The following IGFN1 variants were observed in gnomAD, a reference collection of about 807,000 sequenced individuals.
The protein encoded by IGFN1 is immunoglobulin like and fibronectin type III domain containing 1.
IGFN1 carries 253 observed loss-of-function variants against 289.5 expected under a neutral mutation model. The observed-to-expected ratio is 0.87, with a 90% CI of 0.79 to 0.97. The LOEUF is 0.97. IGFN1 is among the 50% of genes least tolerant of loss of function. The probability of loss-of-function intolerance (pLI) is 0.00; values close to 1 mark genes in which losing one functional copy is unlikely to be tolerated. For missense variants in IGFN1, 4,470 were observed against 4,686.1 expected (o/e 0.95, Z 1.35); for synonymous variants, 1,706 against 1,788.5 (o/e 0.95, Z 1.16).
rs191680057 is a variant in IGFN1, at chr1:201,213,327, C to T, written c.8434C>T (p.Pro2812Ser). Reference protein sequence around the residue: ...VEEAGRSGRRPGSLRSRSQAQ... With the variant: ...VEEAGRSGRRSGSLRSRSQAQ... ...AGAGGCTGGGAGGTCAGGCAGGAGGCCTGGCTCACTCAGGAGCAGGTCTCA... is the reference window on the plus strand; with the variant it reads ...AGAGGCTGGGAGGTCAGGCAGGAGGTCTGGCTCACTCAGGAGCAGGTCTCA... Residue 2812 changes from proline (P) to serine (S), a missense_variant, in exon 12 of 24, where the codon CCT (proline) becomes TCT (serine). Pro to Ser is a moderately conservative substitution (Grantham distance 74). Around this residue, in one of 8 missense-constraint regions of IGFN1, gnomAD observed 2,218 missense variants for 2,114.1 expected, o/e 1.05. Coordinates refer to ENST00000335211, the MANE Select transcript of IGFN1 (RefSeq NM_001164586.2). 2 of 1,591,350 alleles carry T rather than the reference C, an allele frequency of 1.3e-6. No homozygotes were observed. Among genetic ancestry groups the T allele is most frequent in the Non-Finnish European group, 1.7e-6 (2 of 1,169,230 alleles).
At chr1:201,203,069 T>G (rs1380971074) in intron 9 of IGFN1, among the ~76,000 whole-genome samples, 1 of 152,156 alleles carries the variant, frequency 6.6e-6, no homozygotes, top group East Asian at 1.9e-4. Context: ...TCTATTTTTT[T>G]CTAACATAAA....
chr1:201,218,981 T>C (rs1571487489), intron 18 of IGFN1, among the ~76,000 whole-genome samples: 1 of 149,966 alleles, frequency 6.7e-6, no homozygotes, highest in Admixed American at 6.7e-5. Context: ...GAGGCTGCAG[T>C]GAACTATGAT....
At chr1:201,202,439 C>T (rs1667204664) in intron 9 of IGFN1, among the ~76,000 whole-genome samples, 2 of 152,134 alleles carry the variant, frequency 1.3e-5, no homozygotes, top group South Asian at 4.1e-4. Context: ...CACCTCTCTG[C>T]TTATTCCTGC....
chr1:201,205,388 C>T, intron 11 of IGFN1, 34 bp downstream of exon 11: 6 of 1,495,872 alleles, frequency 4.0e-6, no homozygotes, highest in Non-Finnish European at 5.4e-6. Flanking sequence ...TTCTCTGCCT[C>T]CAGGGAAGAC....
rs142174046 is a variant in IGFN1 at position 201,217,309 on chromosome 1, G to A, written c.9618G>A (p.Ala3206=). ...CAGCTCTCCCCAAGGCCCCTTCCGC[G>A]CCAGCCATCCTGTCGGCCTCCAGCC... The part of the protein sequence containing the change: ...APEALPKAPS[A]PAILSASSQG... The change falls in exon 17 of 24, where the codon GCG becomes GCA. Residue 3206 remains alanine, a synonymous_variant. Transcript: ENST00000335211. 397 of 1,613,974 alleles carry A rather than the reference G, an allele frequency of 2.5e-4. 2 individuals are homozygous for A. The African/African-American group carries it at 4.6e-3, about 19-fold the overall frequency.
chr1:201,218,724 G>A, intron 18 of IGFN1, 66 bp downstream of exon 18: 1 of 1,498,102 alleles, frequency 6.7e-7, no homozygotes, highest in Non-Finnish European at 9.0e-7. Flanking sequence ...AGCTGGGTGG[G>A]ACTTGATGGG....
At position 201,205,090 on chromosome 1, in the gene IGFN1, C is replaced by A. The variant is rs970864704; in HGVS notation, c.925C>A (p.Pro309Thr). 8.3e-5 allele frequency: 128 copies of A among 1,545,544 alleles called. No individual in the cohort carries two copies. The highest frequency in any genetic ancestry group is 1.1e-4 in the Non-Finnish European group (124 of 1,142,970). ...TCCTATTTCCCCGGCAGCCATCCCC[C>A]CAAGAGTGGTGGTCCCACTGGCGGA... ...STELEASAIP[P>T]RVVVPLAETH... The change falls in exon 11 of 24, where the codon CCA (proline) becomes ACA (threonine). Residue 309 changes from proline to threonine, a missense_variant. Transcript: ENST00000335211.
Position 201,201,794 on chromosome 1 carries a change from G to A in IGFN1, c.709G>A (p.Asp237Asn), listed in dbSNP as rs866824932. The A allele has an allele frequency of 6.6e-7, 1 of 1,518,452 alleles. No homozygotes were observed. The allele number at this position is 1,518,452 out of a possible 1,614,324, so 94.1% of individuals were successfully genotyped here. A position where few individuals can be genotyped will look rare whatever the true frequency, so the allele number is the denominator to read the frequency against. ...GAATGCAAAGTTTGACTTGGAGCTG[G>A]ATCTCAAGGATTCTCAGAGCAAGAT... is the stretch of plus-strand genomic sequence containing the variant. ...DGNAKFDLEL[D>N]LKDSQSKIYL... The change falls in exon 9 of 24, where the codon GAT becomes AAT. Residue 237 changes from aspartate (D) to asparagine (N), a missense_variant. By Grantham distance (23) the Asp-to-Asn change is conservative. Around this residue, in one of 8 missense-constraint regions of IGFN1, gnomAD observed 2,011 missense variants for 1,953.4 expected, o/e 1.03. Coordinates refer to ENST00000335211, the MANE Select transcript of IGFN1 (RefSeq NM_001164586.2).
At position 201,212,463 on chromosome 1, in the gene IGFN1, G is replaced by A; in HGVS notation, c.7570G>A (p.Ala2524Thr). ...RSPDQAGIMG[A>T]SGFLDGKGAV... is the part of the protein sequence containing the mutation. ...TCCAGACCAAGCAGGGATAATGGGG[G>A]CTTCTGGGTTTCTTGATGGCAAGGG... Residue 2524 changes from alanine (A) to threonine (T), a missense_variant, in exon 12 of 24, where the codon GCT (alanine) becomes ACT (threonine). Ala to Thr is a moderately conservative substitution (Grantham distance 58, BLOSUM62 0). This residue lies in a region of IGFN1 where 2,218 missense variants were observed against 2,114.1 expected (regional missense o/e 1.05). Coordinates refer to ENST00000335211, the MANE Select transcript of IGFN1 (RefSeq NM_001164586.2). The A allele has an allele frequency of 1.9e-6, 3 of 1,538,660 alleles. No individual in the cohort carries two copies. The highest frequency in any genetic ancestry group is 2.6e-6 in the Non-Finnish European group (3 of 1,146,818).
chr1:201,206,526 A>G lies in IGFN1; in HGVS notation c.1633A>G (p.Arg545Gly). 1 of 1,551,264 alleles carries G rather than the reference A, an allele frequency of 6.4e-7. No individual in the cohort carries two copies. Among genetic ancestry groups the G allele is most frequent in the Non-Finnish European group, 8.7e-7 (1 of 1,147,008 alleles). Residue 545 changes from arginine (R) to glycine (G), a missense_variant, in exon 12 of 24, where the codon AGA (arginine) becomes GGA (glycine). By Grantham distance (125) the Arg-to-Gly change is moderately radical (BLOSUM62 -2). Around this residue, in one of 8 missense-constraint regions of IGFN1, gnomAD observed 2,011 missense variants for 1,953.4 expected, o/e 1.03. Coordinates refer to ENST00000335211, the MANE Select transcript of IGFN1 (RefSeq NM_001164586.2). ...LPEKQQQDRG[R>G]DSNSDECWRK... ...AGAAAAACAACAGCAAGATCGTGGC[A>G]GAGACAGCAACAGTGATGAATGCTG...
intron 23 of IGFN1, 120 bp from the exon 24 acceptor site, chr1:201,228,260 GAACCCA>G (rs1300414486): frequency 1.0e-6 from 1 of 995,240 alleles, no homozygotes; most frequent in African/African-American, 1.6e-5. Context: ...CTCCAGATTT[GAACCCA>G]CACCCCCTGA....
Position 201,197,314 on chromosome 1 carries a change from G to C in IGFN1, c.364G>C (p.Glu122Gln). ...AACSVRLTVI[E>Q]VGFRKNRKRH... is the part of the protein sequence containing the mutation. The stretch of plus-strand genomic sequence containing the variant: ...TTGCTCAGTGAGACTCACTGTCATC[G>C]AAGGTGGGCTTTTCCCTGAGTTTGT... The change falls in exon 5 of 24, where the codon GAA (glutamate) becomes CAA (glutamine). Residue 122 changes from glutamate (E) to glutamine (Q), a missense_variant. Coordinates refer to ENST00000335211, the MANE Select transcript of IGFN1 (RefSeq NM_001164586.2). 6.5e-7 allele frequency: 1 copy of C among 1,544,496 alleles called. No individual in the cohort carries two copies.
chr1:201,222,829 T>G lies in IGFN1; in HGVS notation c.10290+2T>G, dbSNP rs1653824499. 6.2e-7 allele frequency: 1 copy of G among 1,606,624 alleles called. No individual in the cohort carries two copies. Among genetic ancestry groups the G allele is most frequent in the East Asian group, 2.2e-5 (1 of 44,694 alleles). ...GTTCGTGTGCCCGTCTCCTTTGAAGTGAGTGTACCTGCAGGGGTGTGGGGA... is the reference window on the plus strand; with the variant it reads ...GTTCGTGTGCCCGTCTCCTTTGAAGGGAGTGTACCTGCAGGGGTGTGGGGA... On this transcript the variant is annotated splice_donor_variant, in intron 20 of 23. Transcript: ENST00000335211. LOFTEE classifies it high-confidence loss of function.
At chr1:201,227,256 G>A in intron 23 of IGFN1, 48 bp downstream of exon 23, 1 of 1,451,368 alleles carries the variant, frequency 6.9e-7, no homozygotes, top group Non-Finnish European at 9.3e-7. Context: ...AGCCAGGAGA[G>A]CAACCACCTG....
At chr1:201,224,908 G>A in intron 21 of IGFN1, 34 bp downstream of exon 21, 1 of 1,547,378 alleles carries the variant, frequency 6.5e-7, no homozygotes, top group Non-Finnish European at 8.8e-7. Context: ...TCTGGACGCT[G>A]GCTCGGCCAC....
chr1:201,211,326 G>T lies in IGFN1; in HGVS notation c.6433G>T (p.Asp2145Tyr). Residue 2145 changes from aspartate (D) to tyrosine (Y), a missense_variant, in exon 12 of 24, where the codon GAT (aspartate) becomes TAT (tyrosine). By Grantham distance (160) the Asp-to-Tyr change is radical (BLOSUM62 -3). Around this residue, in one of 8 missense-constraint regions of IGFN1, gnomAD observed 2,218 missense variants for 2,114.1 expected, o/e 1.05. Coordinates refer to ENST00000335211, the MANE Select transcript of IGFN1 (RefSeq NM_001164586.2). ...AGTGAATGAGGCAGGTTATAGGAAG[G>T]ATTTGGGGGCTCCTAAGGGAATGGG... Reference protein sequence around the residue: ...GSVNEAGYRKDLGAPKGMGSE... With the variant: ...GSVNEAGYRKYLGAPKGMGSE... The T allele has an allele frequency of 6.7e-7, 1 of 1,501,342 alleles. No homozygotes were observed. 93.0% of individuals were successfully genotyped at this position (1,501,342 alleles called of 1,614,324 possible).
chr1:201,227,507 A>G (rs1412639727), intron 23 of IGFN1, among the ~76,000 whole-genome samples: 2 of 151,170 alleles, frequency 1.3e-5, no homozygotes, highest in South Asian at 2.1e-4. Context: ...GGCTCACTGC[A>G]GCCTCCACCT....
chr1:201,214,392 A>AT, intron 13 of IGFN1, 91 bp downstream of exon 13: 2 of 1,334,480 alleles, frequency 1.5e-6, no homozygotes, highest in Non-Finnish European at 2.0e-6. Context: ...TGAAAGAAAG[A>AT]TTTTTCATTC....
Position 201,206,902 on chromosome 1 carries a change from C to T in IGFN1, c.2009C>T (p.Ala670Val). 2.0e-6 allele frequency: 3 copies of T among 1,536,168 alleles called. No homozygotes were observed. The highest frequency in any genetic ancestry group is 2.4e-5 in the East Asian group (1 of 40,898). The change falls in exon 12 of 24, where the codon GCA (alanine) becomes GTA (valine). Residue 670 changes from alanine to valine, a missense_variant. Physicochemically the swap from Ala to Val is moderately conservative, Grantham distance 64 (BLOSUM62 0). This residue lies in a region of IGFN1 where 2,011 missense variants were observed against 1,953.4 expected (regional missense o/e 1.03). Transcript: ENST00000335211. ...GGAGAAGCTGGAGACAGCAATGGGG[C>T]AGGAGGTCCTGGCACCCTGGAGCTT... ...GLGEAGDSNG[A>V]GGPGTLELTG...
Sources: allele counts gnomAD v4.1 joint callset (sites outside exome capture counted in the v4.1 genomes callset), GRCh38; gene constraint gnomAD v4.1.1; regional missense constraint gnomAD v4.1.1; transcripts MANE v1.5; gene names NCBI Gene and HGNC (gene_info 2026-07-23, HGNC 2026-07-21).